ATP2C1: variants seen among roughly 807,000 people sequenced by gnomAD.
ATP2C1 encodes ATPase secretory pathway Ca2+ transporting 1.
ATP2C1 carries 31 observed loss-of-function variants against 120.5 expected under a neutral mutation model. The ratio of observed to expected loss-of-function variants is 0.26; its 90% CI spans 0.19 to 0.35. ATP2C1 has a LOEUF of 0.35. ATP2C1 is among the 10% of genes least tolerant of loss of function. The pLI, the probability that ATP2C1 is intolerant of heterozygous loss-of-function variation, is 1.00. For missense variants in ATP2C1, 731 were observed against 1,107.5 expected (o/e 0.66, Z 4.83); for synonymous variants, 351 against 358.7 (o/e 0.98, Z 0.24).
chr3:130,982,014 C>T (rs2061787430), intron 20 of ATP2C1, among the ~76,000 whole-genome samples: 1 of 152,070 alleles, frequency 6.6e-6, no homozygotes, highest in South Asian at 2.1e-4. Context: ...AAGAGAGAAG[C>T]TTTTAATTTT....
chr3:130,884,484 A>G (rs992048354), intron 1 of ATP2C1, among the ~76,000 whole-genome samples: 1 of 152,216 alleles, frequency 6.6e-6, no homozygotes, highest in Non-Finnish European at 1.5e-5. Context: ...ATCTGCAGCC[A>G]TTGGATGAAA....
chr3:130,969,195 C>G, intron 16 of ATP2C1, 97 bp from the exon 17 acceptor site: 1 of 798,946 alleles, frequency 1.3e-6, no homozygotes, highest in Non-Finnish European at 2.2e-6. Context: ...GAAAAATAAT[C>G]CAGCCAACCT....
chr3:131,003,329 A>G (rs2062980525), downstream of ATP2C1: 1 of 269,332 alleles, frequency 3.7e-6, no homozygotes, highest in Non-Finnish European at 5.7e-6. Context: ...TATTAATCCA[A>G]GTTGACATGG....
Position 131,010,360 on chromosome 3 carries a change from T to C in ATP2C1, c.2630-5792T>C, listed in dbSNP as rs191106537. Reference sequence around the variant, plus strand: ...TGCCCGCCACCACACCCGGCTGATATTGTTTTTGTATTTTTAGTAGAGACG... The same window carrying C: ...TGCCCGCCACCACACCCGGCTGATACTGTTTTTGTATTTTTAGTAGAGACG... On this transcript the variant is annotated intron_variant, in intron 26 of 26. Transcript: ENST00000328560. Among the ~76,000 whole-genome samples, 12 of 151,760 alleles carry C rather than the reference T, an allele frequency of 7.9e-5. No individual in the cohort carries two copies. The South Asian group carries it at 1.0e-3, about 13-fold the overall frequency.
At chr3:130,906,265 C>T (rs1180272884) in intron 2 of ATP2C1, among the ~76,000 whole-genome samples, 1 of 152,038 alleles carries the variant, frequency 6.6e-6, no homozygotes, top group East Asian at 1.9e-4. Context: ...CCCTGGTAAC[C>T]ACTAATCTAC....
At chr3:130,989,493 A>AG (rs1445420536) in intron 20 of ATP2C1, among the ~76,000 whole-genome samples, 7 of 143,158 alleles carry the variant, frequency 4.9e-5, no homozygotes, top group Non-Finnish European at 7.5e-5. Flanking sequence ...TGAACCCGGG[A>AG]GGAGGAGGTT....
intron 2 of ATP2C1, chr3:130,919,150 G>A (rs571578052): frequency 4.1e-5 from 12 of 294,230 alleles, no homozygotes; most frequent in South Asian, 3.8e-4. Context: ...CGCATCACAG[G>A]CGGAGCTAGA....
intron 20 of ATP2C1, among the ~76,000 whole-genome samples, chr3:130,984,497 C>G (rs2061909165): frequency 6.6e-6 from 1 of 152,206 alleles, no homozygotes; most frequent in East Asian, 1.9e-4. Flanking sequence ...AGCCCCACTT[C>G]CCTCATCCTC....
At position 131,013,338 on chromosome 3, in the gene ATP2C1, T is replaced by C. The variant is rs975892715; in HGVS notation, c.2630-2814T>C. On this transcript the variant is annotated intron_variant, in intron 26 of 26. Transcript: ENST00000328560. ...TTCTAACTTTTTCATTAAAAAATGC[T>C]GGGTATGACTCATTAAATACTTTCA... is the stretch of plus-strand genomic sequence containing the variant. Among the ~76,000 whole-genome samples the C allele has an allele frequency of 3.3e-5, 5 of 152,332 alleles. No homozygotes were observed. The East Asian group carries it at 9.6e-4, about 29-fold the overall frequency.
downstream of ATP2C1, among the ~76,000 whole-genome samples, chr3:131,006,635 T>TTGTGTGTGTGTGTG (rs3073260): frequency 4.1e-5 from 6 of 147,238 alleles, no homozygotes; most frequent in East Asian, 1.2e-3. Context: ...TAGTGTGTGT[T>TTGTGTGTGTGTGTG]TGTGTGTGTG....
intron 2 of ATP2C1, among the ~76,000 whole-genome samples, chr3:130,900,016 G>A (rs2070014112): frequency 6.6e-6 from 1 of 151,952 alleles, no homozygotes; most frequent in East Asian, 1.9e-4. Flanking sequence ...AAGGAAATAC[G>A]TTAATTTAGT....
intron 22 of ATP2C1, 73 bp downstream of exon 22, chr3:130,994,171 T>C: frequency 6.4e-7 from 1 of 1,558,696 alleles, no homozygotes; most frequent in Non-Finnish European, 8.8e-7. Flanking sequence ...CCCTAGAGAA[T>C]TCAACTGGAA....
Position 130,863,847 on chromosome 3 carries a change from G to T in ATP2C1, c.108+12919G>T, listed in dbSNP as rs997541059. On this transcript the variant is annotated intron_variant, in intron 1 of 26. Coordinates refer to the ATP2C1 transcript ENST00000504381. The stretch of plus-strand genomic sequence containing the variant: ...TTTTGCCTTCCGCCATGATTCCAAG[G>T]TCTCCCTAGTCATGTGGAAATGTAA... Among the ~76,000 whole-genome samples, 16 of 152,122 alleles carry T rather than the reference G, an allele frequency of 1.1e-4. 1 individual carries two copies. Among genetic ancestry groups the T allele is most frequent in the Non-Finnish European group, 2.9e-5 (2 of 68,034 alleles).
chr3:130,967,075 G>A, intron 14 of ATP2C1, 70 bp from the exon 15 acceptor site: 1 of 1,177,218 alleles, frequency 8.5e-7, no homozygotes, highest in African/African-American at 1.5e-5. Context: ...TAGTTTTTGG[G>A]TTTTATAGGT....
chr3:130,867,535 G>A (rs1449275576), intron 1 of ATP2C1, among the ~76,000 whole-genome samples: 11 of 148,582 alleles, frequency 7.4e-5, no homozygotes, highest in Non-Finnish European at 1.3e-4. Context: ...CGAGTGATCC[G>A]CCAGCCTCGG....
At chr3:130,996,919 A>G in intron 24 of ATP2C1, 123 bp downstream of exon 24, 1 of 767,548 alleles carries the variant, frequency 1.3e-6, no homozygotes, top group Non-Finnish European at 2.3e-6. Flanking sequence ...TTTAACATTT[A>G]TGTTATAAAT....
intron 2 of ATP2C1, among the ~76,000 whole-genome samples, chr3:130,917,953 GTTGTGCCATTTT>G (rs1219845469): frequency 6.6e-6 from 1 of 150,632 alleles, no homozygotes; most frequent in East Asian, 2.0e-4. Context: ...ATTCACCCAT[GTTGTGCCATTTT>G]GTAGAATTTC....
intron 5 of ATP2C1, among the ~76,000 whole-genome samples, chr3:130,936,135 T>A (rs2059659460): frequency 1.3e-5 from 2 of 152,180 alleles, no homozygotes; most frequent in Non-Finnish European, 1.5e-5. Context: ...TGCACTCTTA[T>A]GGGCTGGATA....
intron 2 of ATP2C1, among the ~76,000 whole-genome samples, chr3:130,916,936 C>T (rs1190613671): frequency 6.6e-6 from 1 of 152,092 alleles, no homozygotes; most frequent in Non-Finnish European, 1.5e-5. Flanking sequence ...CTGATTATAT[C>T]CTTAAAGCAG....
Sources: allele counts gnomAD v4.1 joint callset (sites outside exome capture counted in the v4.1 genomes callset), GRCh38; gene constraint gnomAD v4.1.1; transcripts MANE v1.5; gene names NCBI Gene and HGNC (gene_info 2026-07-23, HGNC 2026-07-21).